NRG1: variants seen among roughly 807,000 people sequenced by gnomAD.
NRG1 encodes the protein neuregulin 1, also known as pro-neuregulin-1, membrane-bound isoform.
NRG1 carries 18 observed loss-of-function variants against 63.8 expected under a neutral mutation model. The ratio of observed to expected loss-of-function variants is 0.28; its 90% CI spans 0.19 to 0.42. NRG1 has a LOEUF of 0.42. Among genes scored for constraint, NRG1 ranks in the 10% least tolerant of loss-of-function variants. The pLI, the probability that NRG1 is intolerant of heterozygous loss-of-function variation, is 1.00. For missense variants in NRG1, 762 were observed against 814.7 expected, an observed-to-expected ratio of 0.94 and a Z score of 0.79; for synonymous variants, 302 against 301.3, an observed-to-expected ratio of 1.00 and a Z score of -0.02.
In NRG1 at chr8:32,235,128, G is replaced by A. The variant is rs142011026; in HGVS notation, c.38-360700G>A. 1.1e-3 allele frequency among the ~76,000 whole-genome samples: 162 copies of A among 145,834 alleles called. 1 individual carries two copies. In the South Asian group the frequency reaches 0.014, roughly 12 times the overall value. ...ATTGACTGTTTGAAAAACAAATGCC[G>A]CACACCTGTAATCCCAGTGCTTTGG... On this transcript the variant is annotated intron_variant, in intron 1 of 10. Coordinates refer to the NRG1 transcript ENST00000519301.
chr8:32,093,195 C>T (rs768634270), intron 1 of NRG1, among the ~76,000 whole-genome samples: 97 of 152,254 alleles, frequency 6.4e-4, no homozygotes, highest in Middle Eastern at 6.8e-3. Context: ...CGTGTGCTCG[C>T]AGAGACATGT....
intron 1 of NRG1, among the ~76,000 whole-genome samples, chr8:31,716,620 A>G (rs926378356): frequency 6.6e-6 from 1 of 152,218 alleles, no homozygotes; most frequent in Non-Finnish European, 1.5e-5. Flanking sequence ...TATCTTAATA[A>G]CATATATTAC....
rs1804502780 is a variant in NRG1 at position 32,667,500 on chromosome 8, A to C, written c.502+50615A>C. ...AAACCAATGGAACCTTTTTTTAGTG[A>C]ATTTAGTCAAATTTCTGAAAACCAA... On this transcript the variant is annotated intron_variant, in intron 5 of 11. Coordinates refer to ENST00000356819, the Ensembl canonical transcript of NRG1. Among the ~76,000 whole-genome samples the C allele has an allele frequency of 2.6e-5, 4 of 152,098 alleles. No homozygotes were observed. The South Asian group carries it at 8.3e-4, about 32-fold the overall frequency.
intron 5 of NRG1, among the ~76,000 whole-genome samples, chr8:32,686,078 T>C (rs1284980100): frequency 6.6e-6 from 1 of 152,240 alleles, no homozygotes. Flanking sequence ...AATTGCTGCC[T>C]TAAGCATTTC....
At chr8:32,224,351 G>A (rs564041619) in intron 1 of NRG1, among the ~76,000 whole-genome samples, 1 of 152,120 alleles carries the variant, frequency 6.6e-6, no homozygotes, top group Non-Finnish European at 1.5e-5. Flanking sequence ...CAAGGATCCA[G>A]CCCCTGTGAG....
chr8:32,642,838 T>G (rs1159489372), intron 5 of NRG1, among the ~76,000 whole-genome samples: 1 of 152,158 alleles, frequency 6.6e-6, no homozygotes, highest in Non-Finnish European at 1.5e-5. Flanking sequence ...AGGAAAAAAG[T>G]CAAAGAGAAA....
intron 3 of NRG1, among the ~76,000 whole-genome samples, chr8:32,613,127 T>C (rs1846664828): frequency 6.6e-6 from 1 of 152,004 alleles, no homozygotes; most frequent in South Asian, 2.1e-4. Context: ...CACATACTAA[T>C]TCCTTTCAGT....
At chr8:32,595,906 G>T (rs746880551) in exon 2 of NRG1, 5 of 1,613,696 alleles carry the variant, frequency 3.1e-6, no homozygotes, top group Non-Finnish European at 3.4e-6. Context: ...TGTGAAACCA[G>T]TTCTGAATAC....
intron 7 of NRG1, among the ~76,000 whole-genome samples, chr8:32,752,764 TTTTGA>T (rs1388175562): frequency 6.6e-6 from 1 of 152,194 alleles, no homozygotes; most frequent in Non-Finnish European, 1.5e-5. Context: ...CCTCCAACCC[TTTTGA>T]TTTGTTTTTG....
At position 32,489,262 on chromosome 8, in the gene NRG1, T is replaced by C. The variant is rs187636989; in HGVS notation, c.38-106566T>C. ...ATGCTCACCTGAGGCGTTCTTCGGG[T>C]GAATGCCCCCAGAAAGTCATGTACC... On this transcript the variant is annotated intron_variant, in intron 1 of 10. Coordinates refer to the NRG1 transcript ENST00000519301. 3.8e-3 allele frequency among the ~76,000 whole-genome samples: 576 copies of C among 152,238 alleles called. 2 individuals carry two copies. Among genetic ancestry groups the C allele is most frequent in the Non-Finnish European group, 5.0e-3 (340 of 68,022 alleles).
intron 5 of NRG1, among the ~76,000 whole-genome samples, chr8:32,695,929 G>A (rs1323446132): frequency 6.6e-6 from 1 of 152,168 alleles, no homozygotes; most frequent in Non-Finnish European, 1.5e-5. Context: ...AGTGCTTTCA[G>A]CCAGTGTCTG....
At chr8:32,488,307 T>C (rs940344423) in intron 1 of NRG1, among the ~76,000 whole-genome samples, 6 of 152,160 alleles carry the variant, frequency 3.9e-5, no homozygotes, top group Non-Finnish European at 8.8e-5. Context: ...TTTGAGCAAG[T>C]ACACTGCCAG....
At chr8:32,061,540 G>C (rs1035591311) in intron 1 of NRG1, 2 of 151,874 alleles carry the variant, frequency 1.3e-5, no homozygotes, top group Non-Finnish European at 1.5e-5. Context: ...ATATATACTG[G>C]TTGGTTATGT....
In NRG1 at chr8:32,045,184, T is replaced by C. The variant is rs181498304; in HGVS notation, c.37+405753T>C. On this transcript the variant is annotated intron_variant, in intron 1 of 10. Coordinates refer to the NRG1 transcript ENST00000519301. ...AGGTTATGTGTTTATTTATGTATAA[T>C]AGCAATAAATAATTAGCAAGCACAA... Among the ~76,000 whole-genome samples the C allele has an allele frequency of 7.9e-5, 12 of 152,010 alleles. No individual in the cohort carries two copies. In the East Asian group the frequency reaches 2.3e-3, roughly 29 times the overall value.
chr8:32,384,014 C>T (rs1810683394), intron 1 of NRG1, among the ~76,000 whole-genome samples: 1 of 152,124 alleles, frequency 6.6e-6, no homozygotes, highest in South Asian at 2.1e-4. Context: ...GAGGGAGGAT[C>T]ACTTGAGCCC....
intron 1 of NRG1, among the ~76,000 whole-genome samples, chr8:32,262,637 G>A (rs1850507563): frequency 6.6e-6 from 1 of 152,058 alleles, no homozygotes. Flanking sequence ...CCACTACAAA[G>A]TTTATTACCT....
chr8:31,663,592 A>G (rs1806225193), intron 1 of NRG1, among the ~76,000 whole-genome samples: 1 of 152,202 alleles, frequency 6.6e-6, no homozygotes, highest in Non-Finnish European at 1.5e-5. Flanking sequence ...AGGGTATTTT[A>G]CATAAAGCAT....
At chr8:32,259,329 T>C (rs570820768) in intron 1 of NRG1, among the ~76,000 whole-genome samples, 2 of 152,332 alleles carry the variant, frequency 1.3e-5, no homozygotes, top group South Asian at 4.1e-4. Context: ...AATGTCATTA[T>C]TGCAGGAGTG....
chr8:32,169,407 C>G (rs1313425465), intron 1 of NRG1, among the ~76,000 whole-genome samples: 1 of 152,108 alleles, frequency 6.6e-6, no homozygotes, highest in Non-Finnish European at 1.5e-5. Flanking sequence ...TGCGATTTGT[C>G]GGAGTAGGGA....
Sources: allele counts gnomAD v4.1 joint callset (sites outside exome capture counted in the v4.1 genomes callset), GRCh38; gene constraint gnomAD v4.1.1; transcripts MANE v1.5; gene names NCBI Gene and HGNC (gene_info 2026-07-23, HGNC 2026-07-21).